MTRFR: variants seen among roughly 807,000 people sequenced by gnomAD.
The protein encoded by MTRFR is probable peptide chain release factor C12orf65, mitochondrial.
A neutral mutation model predicts 11.9 loss-of-function variants in MTRFR; 10 were observed. The ratio of observed to expected loss-of-function variants is 0.84; its 90% CI spans 0.52 to 1.42. The LOEUF (loss-of-function observed/expected upper bound fraction) is 1.42, where lower values mean the gene tolerates loss of function less well. Among genes scored for constraint, MTRFR ranks in the 40% most tolerant of loss-of-function variants. The pLI, the probability that MTRFR is intolerant of heterozygous loss-of-function variation, is 0.00. For missense variants in MTRFR, 196 were observed against 197.9 expected (o/e 0.99, Z 0.06); for synonymous variants, 77 against 79.1 (o/e 0.97, Z 0.14).
chr12:123,250,122 T>C (rs1285290644), intron 1 of MTRFR: 1 of 152,234 alleles, frequency 6.6e-6, no homozygotes, highest in Non-Finnish European at 1.5e-5. Context: ...GAAGACCTTG[T>C]CTTCGAGCTC....
At chr12:123,243,048 TAGAG>T (rs1047552142) in intron 1 of MTRFR, among the ~76,000 whole-genome samples, 16 of 152,344 alleles carry the variant, frequency 1.1e-4, no homozygotes, top group Middle Eastern at 3.4e-3. Context: ...AGGTGATTCT[TAGAG>T]AGAGTTCAGA....
intron 1 of MTRFR, chr12:123,244,006 C>T (rs554488235): frequency 6.6e-6 from 1 of 152,170 alleles, no homozygotes; most frequent in African/African-American, 2.4e-5. Context: ...GTGGAGTGAT[C>T]TGCTGGATGT....
Position 123,256,898 on chromosome 12 carries a change from A to G in MTRFR, c.368A>G (p.Glu123Gly), listed in dbSNP as rs1368357351. The G allele has an allele frequency of 1.9e-6, 3 of 1,614,028 alleles. No individual in the cohort carries two copies. The highest frequency in any genetic ancestry group is 1.1e-5 in the South Asian group (1 of 91,052). The change falls in exon 3 of 3, where the codon GAA becomes GGA. Residue 123 changes from glutamate to glycine, a missense_variant. By Grantham distance (98) the Glu-to-Gly change is moderately conservative. Transcript: ENST00000253233. Reference sequence around the variant, plus strand: ...AAAGTAGATGTTTTCTACAATGGTGAAAACAGTCCTGTTCACAAAGAAAAA... The same window carrying G: ...AAAGTAGATGTTTTCTACAATGGTGGAAACAGTCCTGTTCACAAAGAAAAA... ...QEKVDVFYNGENSPVHKEKRE... is the reference protein window; with the variant it reads ...QEKVDVFYNGGNSPVHKEKRE...
intron 1 of MTRFR, among the ~76,000 whole-genome samples, chr12:123,245,926 G>A (rs1321189799): frequency 1.3e-5 from 2 of 152,108 alleles, no homozygotes; most frequent in Non-Finnish European, 2.9e-5. Flanking sequence ...CTCTAGCTAG[G>A]ACTTCCATAC....
In MTRFR at chr12:123,257,073, C is replaced by T; in HGVS notation, c.*42C>T. 4.7e-6 allele frequency: 7 copies of T among 1,485,910 alleles called. No individual in the cohort carries two copies. The highest frequency in any genetic ancestry group is 6.6e-6 in the Non-Finnish European group (7 of 1,067,738). 92.0% of individuals were successfully genotyped at this position (1,485,910 alleles called of 1,614,324 possible). A position where few individuals can be genotyped will look rare whatever the true frequency, so the allele number is the denominator to read the frequency against. ...TCCAACTGACAGAATCTGCCAGAAG[C>T]TCCCAGGGAATAATGGTGGCGAGTT... On this transcript the variant is annotated 3_prime_UTR_variant, in exon 3 of 3. Transcript: ENST00000253233.
intron 2 of MTRFR, among the ~76,000 whole-genome samples, chr12:123,256,428 T>C (rs933634162): frequency 2.6e-5 from 4 of 152,210 alleles, no homozygotes; most frequent in Non-Finnish European, 5.9e-5. Flanking sequence ...CACTGACTCA[T>C]GGGGACTCCT....
chr12:123,249,676 G>A (rs767382464), intron 1 of MTRFR: 2 of 152,468 alleles, frequency 1.3e-5, no homozygotes, highest in Non-Finnish European at 2.9e-5. Flanking sequence ...CCCACAAGCG[G>A]AGGGAGCCCG....
chr12:123,254,251 C>T, intron 2 of MTRFR: 1 of 403,130 alleles, frequency 2.5e-6, no homozygotes, highest in Non-Finnish European at 4.6e-6. Context: ...TTGGCTGCTG[C>T]CCCGGAAGCA....
At chr12:123,234,364 C>G (rs760546189) in intron 1 of MTRFR, among the ~76,000 whole-genome samples, 19 of 149,698 alleles carry the variant, frequency 1.3e-4, no homozygotes, top group Non-Finnish European at 2.4e-4. Flanking sequence ...CTAAGTATAC[C>G]TACCAATTTT....
rs748793321 is a variant in MTRFR, at chr12:123,253,878, C to T, written c.204C>T (p.His68=). 1.9e-5 allele frequency: 30 copies of T among 1,614,094 alleles called. No individual in the cohort carries two copies. The highest frequency in any genetic ancestry group is 2.7e-5 in the African/African-American group (2 of 74,940). The change falls in exon 2 of 3, where the codon CAC becomes CAT. Residue 68 remains histidine, a synonymous_variant. Coordinates refer to ENST00000253233, the MANE Select transcript of MTRFR (RefSeq NM_152269.5). Reference sequence around the variant, plus strand: ...TCGAAGAGCAGTTTGTGAAAGGACACGGTCCAGGGGGCCAGGCAACCAACA... The same window carrying T: ...TCGAAGAGCAGTTTGTGAAAGGACATGGTCCAGGGGGCCAGGCAACCAACA... ...NELEEQFVKG[H]GPGGQATNKT... is the part of the protein sequence containing the mutation.
intron 1 of MTRFR, 167 bp from the exon 2 acceptor site, chr12:123,253,480 A>T (rs1230729619): frequency 3.0e-6 from 2 of 656,444 alleles, no homozygotes; most frequent in Non-Finnish European, 5.4e-6. Context: ...AAGGCTGAGG[A>T]GAGGGGCGTC....
At chr12:123,237,742 C>T (rs1033952096) in intron 1 of MTRFR, among the ~76,000 whole-genome samples, 2 of 152,198 alleles carry the variant, frequency 1.3e-5, no homozygotes, top group African/African-American at 2.4e-5. Flanking sequence ...TGGTCTGTTT[C>T]AAGCCTTACC....
At chr12:123,246,823 C>T (rs774729371) in intron 1 of MTRFR, among the ~76,000 whole-genome samples, 12 of 140,458 alleles carry the variant, frequency 8.5e-5, no homozygotes, top group Non-Finnish European at 1.7e-4. Context: ...CTCCACCTCC[C>T]GGGTTCACGC....
At chr12:123,240,142 T>C (rs556387499) in intron 1 of MTRFR, among the ~76,000 whole-genome samples, 2 of 148,432 alleles carry the variant, frequency 1.3e-5, no homozygotes, top group African/African-American at 5.0e-5. Context: ...GGCTTGTGGA[T>C]CATCTGAGGT....
intron 1 of MTRFR, among the ~76,000 whole-genome samples, chr12:123,244,288 C>A (rs111534310): frequency 3.6e-4 from 54 of 151,944 alleles, no homozygotes; most frequent in Non-Finnish European, 7.2e-4. Flanking sequence ...CAAAATTAGC[C>A]GGGCGTGGTA....
intron 1 of MTRFR, among the ~76,000 whole-genome samples, chr12:123,234,535 AC>A (rs1178420253): frequency 1.3e-5 from 2 of 152,080 alleles, no homozygotes; most frequent in African/African-American, 4.8e-5. Flanking sequence ...AGCCGGGAAT[AC>A]CGGTGCCCGC....
intron 1 of MTRFR, among the ~76,000 whole-genome samples, chr12:123,236,854 C>T (rs1027164685): frequency 6.6e-5 from 10 of 152,134 alleles, no homozygotes; most frequent in Non-Finnish European, 1.3e-4. Context: ...GAGGCCGAGG[C>T]GGGCGGATCG....
In MTRFR at chr12:123,257,676, TTG is replaced by T. The variant is rs2048198191; in HGVS notation, c.*650_*651del. On this transcript the variant is annotated 3_prime_UTR_variant, in exon 3 of 3. Transcript: ENST00000253233. ...CTGCACTCCACCTGTCCACTTGTTC[TTG>T]TGTGACAGAACAAGACCCTGTCTCT... 6.5e-6 allele frequency: 1 copy of T among 152,712 alleles called. No individual in the cohort carries two copies. 9.5% of individuals were successfully genotyped at this position (152,712 alleles called of 1,614,324 possible). A position where few individuals can be genotyped will look rare whatever the true frequency, so the allele number is the denominator to read the frequency against.
intron 1 of MTRFR, among the ~76,000 whole-genome samples, chr12:123,245,285 CTTATAGTATAG>C (rs1034670821): frequency 6.6e-6 from 1 of 152,156 alleles, no homozygotes; most frequent in Admixed American, 6.6e-5. Flanking sequence ...TGACTATGGC[CTTATAGTATAG>C]TTTGAAATCA....
Sources: allele counts gnomAD v4.1 joint callset (sites outside exome capture counted in the v4.1 genomes callset), GRCh38; gene constraint gnomAD v4.1.1; transcripts MANE v1.5; gene names NCBI Gene and HGNC (gene_info 2026-07-23, HGNC 2026-07-21).